The following OSCAR variants were observed in gnomAD, a reference collection of about 807,000 sequenced individuals.
The protein encoded by OSCAR is osteoclast associated Ig-like receptor.
OSCAR carries 25 observed loss-of-function variants against 27.3 expected under a neutral mutation model. The observed-to-expected ratio is 0.92, with a 90% CI of 0.67 to 1.28. The LOEUF is 1.28. Ranked by LOEUF, OSCAR falls within the 50% of genes most tolerant of loss-of-function variation. The pLI is 0.00. For synonymous variants in OSCAR, 158 were observed against 165.7 expected (o/e 0.95, Z 0.36); for missense variants, 354 against 355.1 (o/e 1.00, Z 0.03).
intron 3 of OSCAR, 25 bp downstream of exon 3, chr19:54,096,837 C>T: frequency 6.2e-7 from 1 of 1,603,046 alleles, no homozygotes; most frequent in Non-Finnish European, 8.5e-7. Context: ...CCACCCACTT[C>T]TCCTCCCCGA....
rs2072948137 is a variant in OSCAR at position 54,099,767 on chromosome 19, G to GA, written c.50_51insT (p.Thr18HisfsTer15). ...ACTCACCAGACGGAGTGATGTCTGT[G>GA]TGACACAGAGGCCCTGTAGGAGGTT... On this transcript the variant is annotated frameshift_variant, in exon 2 of 5. Transcript: ENST00000358375. LOFTEE classifies it high-confidence loss of function. 1 of 1,613,638 alleles carries GA rather than the reference G, an allele frequency of 6.2e-7. No individual in the cohort carries two copies. The highest frequency in any genetic ancestry group is 1.3e-5 in the African/African-American group (1 of 74,930).
chr19:54,096,994 C>T lies in OSCAR; in HGVS notation c.241G>A (p.Glu81Lys), dbSNP rs1568541086. 1 of 1,614,168 alleles carries T rather than the reference C, an allele frequency of 6.2e-7. No homozygotes were observed. Among genetic ancestry groups the T allele is most frequent in the Non-Finnish European group, 8.5e-7 (1 of 1,180,044 alleles). ...APLLFRDVSS[E>K]LAEFFLEEVT... Reference sequence around the variant, plus strand: ...TCCTCCAGAAAGAATTCTGCCAGCTCGGAGGACACATCCCGGAAGAGAAGG... The same window carrying T: ...TCCTCCAGAAAGAATTCTGCCAGCTTGGAGGACACATCCCGGAAGAGAAGG... Residue 81 changes from glutamate (E) to lysine (K), a missense_variant, in exon 3 of 5, where the codon GAG (glutamate) becomes AAG (lysine). By Grantham distance (56) the Glu-to-Lys change is moderately conservative (BLOSUM62 1). Transcript: ENST00000358375.
intron 2 of OSCAR, among the ~76,000 whole-genome samples, chr19:54,098,597 T>C (rs2072871212): frequency 1.3e-5 from 2 of 151,360 alleles, no homozygotes; most frequent in African/African-American, 4.9e-5. Context: ...GGCTGGAGGA[T>C]TGTCTGAGCC....
rs1428105732 is a variant in OSCAR, at chr19:54,095,213, C to T, written c.*8G>A. Reference sequence around the variant, plus strand: ...GTTGGAAGTCTCGGGCTGCAGTGCTCCTGGGGCTCAGGGGCGGATACCAGC... The same window carrying T: ...GTTGGAAGTCTCGGGCTGCAGTGCTTCTGGGGCTCAGGGGCGGATACCAGC... On this transcript the variant is annotated 3_prime_UTR_variant, in exon 5 of 5. Transcript: ENST00000358375. 1 of 1,610,554 alleles carries T rather than the reference C, an allele frequency of 6.2e-7. No homozygotes were observed.
intron 2 of OSCAR, 143 bp from the exon 3 acceptor site, chr19:54,097,307 G>A (rs1304110639): frequency 3.6e-6 from 3 of 844,354 alleles, no homozygotes; most frequent in Non-Finnish European, 5.4e-6. Context: ...ATCAGGGAGA[G>A]ACTGGACTAC....
In OSCAR at chr19:54,097,154, A is replaced by T. The variant is rs1368890112; in HGVS notation, c.81T>A (p.Ala27=). 2 of 1,612,658 alleles carry T rather than the reference A, an allele frequency of 1.2e-6. No homozygotes were observed. Among genetic ancestry groups the T allele is most frequent in the Non-Finnish European group, 1.7e-6 (2 of 1,178,958 alleles). Residue 27 remains alanine (A), a synonymous_variant, in exon 3 of 5, where the codon GCT becomes GCA. Transcript: ENST00000358375. Reference sequence around the variant, plus strand: ...CCAGCCATGGCTTAGGGTGGTATGAAGCTGGGGGGACTGAATAAACGGGGC... The same window carrying T: ...CCAGCCATGGCTTAGGGTGGTATGATGCTGGGGGGACTGAATAAACGGGGC... ...HTDITPSVPP[A]SYHPKPWLGA...
chr19:54,097,157 T>C lies in OSCAR; in HGVS notation c.78A>G (p.Pro26=). 6.2e-7 allele frequency: 1 copy of C among 1,611,784 alleles called. No homozygotes were observed. The highest frequency in any genetic ancestry group is 8.5e-7 in the Non-Finnish European group (1 of 1,178,318). Reference sequence around the variant, plus strand: ...GCCATGGCTTAGGGTGGTATGAAGCTGGGGGGACTGAATAAACGGGGCTGC... The same window carrying C: ...GCCATGGCTTAGGGTGGTATGAAGCCGGGGGGACTGAATAAACGGGGCTGC... ...CHTDITPSVP[P]ASYHPKPWLG... is the part of the protein sequence containing the mutation. The change falls in exon 3 of 5, where the codon CCA becomes CCG. Residue 26 remains proline (P), a synonymous_variant. Coordinates refer to ENST00000358375, the MANE Select transcript of OSCAR (RefSeq NM_133169.6).
Position 54,095,351 on chromosome 19 carries a change from C to T in OSCAR, c.662G>A (p.Gly221Asp). 6.4e-7 allele frequency: 1 copy of T among 1,560,706 alleles called. No individual in the cohort carries two copies. The highest frequency in any genetic ancestry group is 8.7e-7 in the Non-Finnish European group (1 of 1,152,840). Residue 221 changes from glycine (G) to aspartate (D), a missense_variant, in exon 5 of 5, where the codon GGC becomes GAC. Coordinates refer to ENST00000358375, the MANE Select transcript of OSCAR (RefSeq NM_133169.6). Reference protein sequence around the residue: ...EVLVISWEDSGSSDYTRGNLV... With the variant: ...EVLVISWEDSDSSDYTRGNLV... ...GTTCCCCCGGGTGTAGTCGGAGGAG[C>T]CAGAGTCTGCGGGCGGAGCCGGGAG...
Position 54,095,240 on chromosome 19 carries a change from G to T in OSCAR, c.773C>A (p.Pro258His). The T allele has an allele frequency of 6.2e-7, 1 of 1,612,020 alleles. No homozygotes were observed. Among genetic ancestry groups the T allele is most frequent in the Non-Finnish European group, 8.5e-7 (1 of 1,179,366 alleles). The change falls in exon 5 of 5, where the codon CCT becomes CAT. Residue 258 changes from proline to histidine, a missense_variant. By Grantham distance (77) the Pro-to-His change is moderately conservative. Coordinates refer to ENST00000358375, the MANE Select transcript of OSCAR (RefSeq NM_133169.6). ...TGGGGCTCAGGGGCGGATACCAGCAGGAGCGCGGTTCTGACTGCGCCAGTC... is the reference window on the plus strand; with the variant it reads ...TGGGGCTCAGGGGCGGATACCAGCATGAGCGCGGTTCTGACTGCGCCAGTC... ...TFDWRSQNRAPAGIRP is the reference protein window; with the variant it reads ...TFDWRSQNRAHAGIRP
rs139345606 is a variant in OSCAR, at chr19:54,099,388, C to T, written c.70+360G>A. On this transcript the variant is annotated intron_variant, in intron 2 of 4. Coordinates refer to ENST00000358375, the MANE Select transcript of OSCAR (RefSeq NM_133169.6). Reference sequence around the variant, plus strand: ...CCAGCCCAAGATCCTATTTCTTAAGCCCTGTACTGTGCCAGGCTCAGGGTT... The same window carrying T: ...CCAGCCCAAGATCCTATTTCTTAAGTCCTGTACTGTGCCAGGCTCAGGGTT... 1.6e-3 allele frequency among the ~76,000 whole-genome samples: 247 copies of T among 151,874 alleles called. 2 individuals are homozygous for T. Among genetic ancestry groups the T allele is most frequent in the African/African-American group, 5.7e-3 (234 of 41,398 alleles).
chr19:54,095,802 T>C, intron 4 of OSCAR, 70 bp downstream of exon 4: 1 of 1,548,784 alleles, frequency 6.5e-7, no homozygotes, highest in Non-Finnish European at 8.7e-7. Context: ...GGCTCCTGGG[T>C]CTGAGGGCGG....
Position 54,099,059 on chromosome 19 carries a change from T to TGTTTGTTTG in OSCAR, c.70+688_70+689insCAAACAAAC, listed in dbSNP as rs34000466. On this transcript the variant is annotated intron_variant, in intron 2 of 4. Transcript: ENST00000358375. ...ACTGAAATATCTCCAAAAGAGTTTTTTTTGTTTGTTTGTTTGTTTTTGAAG... is the reference window on the plus strand; with the variant it reads ...ACTGAAATATCTCCAAAAGAGTTTTTGTTTGTTTGTTTGTTTGTTTGTTTGTTTTTGAAG... Among the ~76,000 whole-genome samples the TGTTTGTTTG allele has an allele frequency of 1.1e-4, 16 of 149,366 alleles. No homozygotes were observed. The East Asian group carries it at 1.8e-3, about 16-fold the overall frequency.
intron 1 of OSCAR, among the ~76,000 whole-genome samples, chr19:54,100,411 TTC>T (rs2072988837): frequency 6.6e-6 from 1 of 152,142 alleles, no homozygotes; most frequent in African/African-American, 2.4e-5. Context: ...CATTTCCCTC[TTC>T]TCTCAGGAGC....
chr19:54,098,292 C>G (rs926627119), intron 2 of OSCAR, among the ~76,000 whole-genome samples: 1 of 152,040 alleles, frequency 6.6e-6, no homozygotes, highest in African/African-American at 2.4e-5. Context: ...CTGTTGGGTC[C>G]GGTGGCTCAC....
At chr19:54,096,288 G>GTC (rs1294218332) in intron 3 of OSCAR, 135 bp from the exon 4 acceptor site, 40 of 801,142 alleles carry the variant, frequency 5.0e-5, no homozygotes, top group South Asian at 3.4e-4. Flanking sequence ...CTCTCTGCCT[G>GTC]TCTCTCTCTC....
chr19:54,096,785 T>A (rs2072753352), intron 3 of OSCAR, 77 bp downstream of exon 3: 2 of 1,488,562 alleles, frequency 1.3e-6, no homozygotes, highest in Non-Finnish European at 1.8e-6. Context: ...GCTCTGTCTC[T>A]CTTTCCCTAT....
chr19:54,100,087 G>A (rs1324545292), intron 1 of OSCAR, among the ~76,000 whole-genome samples: 39 of 152,172 alleles, frequency 2.6e-4, no homozygotes, highest in Admixed American at 2.2e-3. Context: ...GCTGGGCCTC[G>A]GCTCCCACAG....
At chr19:54,096,487 TGCCTCCCTCTCTC>T (rs2072721296) in intron 3 of OSCAR, among the ~76,000 whole-genome samples, 1 of 139,056 alleles carries the variant, frequency 7.2e-6, no homozygotes, top group African/African-American at 2.8e-5. Flanking sequence ...TCCCTCTCTC[TGCCTCCCTCTCTC>T]TCTGCCTCCC....
At chr19:54,099,212 C>A (rs587625075) in intron 2 of OSCAR, among the ~76,000 whole-genome samples, 2 of 133,822 alleles carry the variant, frequency 1.5e-5, no homozygotes, top group Admixed American at 8.2e-5. Flanking sequence ...ACAGGTGCGT[C>A]CCACCACACC....
Sources: allele counts gnomAD v4.1 joint callset (sites outside exome capture counted in the v4.1 genomes callset), GRCh38; gene constraint gnomAD v4.1.1; transcripts MANE v1.5; gene names NCBI Gene and HGNC (gene_info 2026-07-23, HGNC 2026-07-21).